HSF2BP: variants seen among roughly 807,000 people sequenced by gnomAD.
The protein encoded by HSF2BP is heat shock transcription factor 2 binding protein.
Under a neutral mutation model 35.0 loss-of-function variants are expected in HSF2BP, and 35 were observed. The ratio of observed to expected loss-of-function variants is 1.00; its 90% CI spans 0.76 to 1.32. HSF2BP has a LOEUF of 1.32. Among genes scored for constraint, HSF2BP ranks in the 40% most tolerant of loss-of-function variants. HSF2BP has a pLI of 0.00. For missense variants in HSF2BP, 326 were observed against 321.7 expected (o/e 1.01, Z -0.10); for synonymous variants, 114 against 117.4 (o/e 0.97, Z 0.18).
chr21:43,608,029 C>T (rs938233882), intron 7 of HSF2BP, among the ~76,000 whole-genome samples: 1 of 152,010 alleles, frequency 6.6e-6, no homozygotes, highest in Non-Finnish European at 1.5e-5. Flanking sequence ...TTCTGGATAT[C>T]GGCCTAGGCA....
At chr21:43,657,252 C>G (rs2082883578) in intron 2 of HSF2BP, among the ~76,000 whole-genome samples, 1 of 152,180 alleles carries the variant, frequency 6.6e-6, no homozygotes, top group South Asian at 2.1e-4. Flanking sequence ...CGCCTGTACG[C>G]AGCAGGCTGA....
rs1183217576 is a variant in HSF2BP at position 43,658,090 on chromosome 21, C to T, written c.7G>A (p.Glu3Lys). The change falls in exon 2 of 9, where the codon GAA (glutamate) becomes AAA (lysine). Residue 3 changes from glutamate (E) to lysine (K), a missense_variant. Coordinates refer to ENST00000291560, the MANE Select transcript of HSF2BP (RefSeq NM_007031.2). The part of the protein sequence containing the change: MG[E>K]AGAAEEACRH... Reference sequence around the variant, plus strand: ...CAGGCCTCCTCAGCGGCGCCCGCTTCGCCCATGGCCGCTGCCGCCTCCGCT... The same window carrying T: ...CAGGCCTCCTCAGCGGCGCCCGCTTTGCCCATGGCCGCTGCCGCCTCCGCT... The T allele has an allele frequency of 1.6e-5, 25 of 1,534,450 alleles. No homozygotes were observed. The highest frequency in any genetic ancestry group is 2.1e-5 in the Non-Finnish European group (24 of 1,145,500).
intron 6 of HSF2BP, among the ~76,000 whole-genome samples, chr21:43,618,707 C>T (rs1032852095): frequency 1.3e-5 from 2 of 150,746 alleles, no homozygotes; most frequent in African/African-American, 2.4e-5. Context: ...GAGGCTGAGG[C>T]GGGCAGATCA....
intron 2 of HSF2BP, chr21:43,657,773 G>A (rs886740304): frequency 5.5e-6 from 5 of 909,096 alleles, no homozygotes; most frequent in Non-Finnish European, 6.6e-6. Flanking sequence ...GCAGAGAAGA[G>A]AGTGACCATC....
Position 43,589,810 on chromosome 21 carries a change from C to CA in HSF2BP, c.796+2414dup, listed in dbSNP as rs921467863. 4.0e-5 allele frequency among the ~76,000 whole-genome samples: 6 copies of CA among 151,622 alleles called. No individual in the cohort carries two copies. In the South Asian group the frequency reaches 1.0e-3, roughly 26 times the overall value. ...GATCAACTAGATAGAAAGTCTTATG[C>CA]AAAAAAACAAAGCAAACGATAAAAA... On this transcript the variant is annotated intron_variant, in intron 8 of 8. Coordinates refer to ENST00000291560, the MANE Select transcript of HSF2BP (RefSeq NM_007031.2).
chr21:43,657,834 C>G (rs1463762046), intron 2 of HSF2BP: 1 of 985,326 alleles, frequency 1.0e-6, no homozygotes, highest in Non-Finnish European at 1.2e-6. Flanking sequence ...CCCCACCACG[C>G]GCAGCCTCAC....
At chr21:43,639,722 T>G (rs1018398933) in intron 4 of HSF2BP, among the ~76,000 whole-genome samples, 1 of 152,192 alleles carries the variant, frequency 6.6e-6, no homozygotes, top group African/African-American at 2.4e-5. Flanking sequence ...GAAAACAATT[T>G]GGCAATTTCT....
Position 43,658,433 on chromosome 21 carries a change from G to A in HSF2BP, c.-224-113C>T, listed in dbSNP as rs116584893. 958 of 310,724 alleles carry A rather than the reference G, an allele frequency of 3.1e-3. 4 individuals are homozygous for A. Among genetic ancestry groups the A allele is most frequent in the African/African-American group, 0.019 (880 of 46,046 alleles). The allele number at this position is 310,724 out of a possible 1,614,324, so 19.2% of individuals were successfully genotyped here. On this transcript the variant is annotated intron_variant, in intron 1 of 8. Coordinates refer to ENST00000291560, the MANE Select transcript of HSF2BP (RefSeq NM_007031.2). ...ACACTAAGGGGGACTGCGTTCAAAT[G>A]GGCAGTCTTTGCTGGAAACCTCGCC... is the stretch of plus-strand genomic sequence containing the variant.
At chr21:43,635,831 A>C (rs2082544316) in intron 4 of HSF2BP, among the ~76,000 whole-genome samples, 2 of 150,154 alleles carry the variant, frequency 1.3e-5, no homozygotes, top group South Asian at 4.3e-4. Context: ...CGGGAGGCTG[A>C]GGCAGGAGAA....
At chr21:43,467,936 C>T in the HSF2BP span, among the ~76,000 whole-genome samples, 36 of 91,468 alleles carry the variant, frequency 3.9e-4, 1 homozygote, top group African/African-American at 1.4e-3. Context: ...ACACACCACA[C>T]ACACACACCA....
chr21:43,641,844 A>G (rs1186758839), intron 4 of HSF2BP, among the ~76,000 whole-genome samples: 1 of 146,330 alleles, frequency 6.8e-6, no homozygotes, highest in African/African-American at 2.5e-5. Flanking sequence ...GGTATCCAGG[A>G]GGTGGAGGTT....
chr21:43,615,633 G>A (rs1189583230), intron 6 of HSF2BP, among the ~76,000 whole-genome samples: 1 of 152,128 alleles, frequency 6.6e-6, no homozygotes, highest in Admixed American at 6.6e-5. Context: ...ACGCTTTGAT[G>A]ACAGCCATAA....
Position 43,657,962 on chromosome 21 carries a change from C to T in HSF2BP, c.36+99G>A, listed in dbSNP as rs1181762724. ...AGTCTCCAGGCTTCCCCCAAGCACG[C>T]GACAGCGAGCCGTCTCCGAGCGCAC... On this transcript the variant is annotated intron_variant, in intron 2 of 8. Transcript: ENST00000291560. 12 of 1,521,646 alleles carry T rather than the reference C, an allele frequency of 7.9e-6. 1 individual carries two copies. Among genetic ancestry groups the T allele is most frequent in the South Asian group, 1.2e-5 (1 of 82,672 alleles). 94.3% of individuals were successfully genotyped at this position (1,521,646 alleles called of 1,614,324 possible).
intron 8 of HSF2BP, among the ~76,000 whole-genome samples, chr21:43,577,552 C>T (rs935216941): frequency 5.3e-5 from 8 of 152,196 alleles, no homozygotes; most frequent in African/African-American, 1.9e-4. Context: ...GGCTGGCATT[C>T]GGGGCCACAG....
At chr21:43,604,680 CCACA>C (rs879346919) in intron 7 of HSF2BP, among the ~76,000 whole-genome samples, 1 of 131,616 alleles carries the variant, frequency 7.6e-6, no homozygotes, top group Non-Finnish European at 1.6e-5. Flanking sequence ...CCACCACACA[CCACA>C]CACACACTAC....
intron 8 of HSF2BP, among the ~76,000 whole-genome samples, chr21:43,584,703 C>A (rs140839061): frequency 1.3e-5 from 2 of 152,192 alleles, no homozygotes; most frequent in Non-Finnish European, 2.9e-5. Context: ...ATTTTCCCCC[C>A]ACTACACTCA....
intron 3 of HSF2BP, among the ~76,000 whole-genome samples, chr21:43,647,790 G>T (rs571912374): frequency 2.6e-5 from 4 of 151,846 alleles, no homozygotes; most frequent in Non-Finnish European, 5.9e-5. Context: ...TTAGCCCAGC[G>T]TGGTGGTACA....
At chr21:43,646,731 G>C (rs190654708) in intron 3 of HSF2BP, among the ~76,000 whole-genome samples, 1 of 152,150 alleles carries the variant, frequency 6.6e-6, no homozygotes, top group Non-Finnish European at 1.5e-5. Flanking sequence ...CCCACTCTAC[G>C]ATAGGCAATC....
At chr21:43,648,464 A>G (rs1276210883) in intron 3 of HSF2BP, among the ~76,000 whole-genome samples, 2 of 152,104 alleles carry the variant, frequency 1.3e-5, no homozygotes, top group Non-Finnish European at 2.9e-5. Flanking sequence ...AGCCCAGGGG[A>G]GGCAATGGCG....
Sources: allele counts gnomAD v4.1 joint callset (sites outside exome capture counted in the v4.1 genomes callset), GRCh38; gene constraint gnomAD v4.1.1; transcripts MANE v1.5; gene names NCBI Gene and HGNC (gene_info 2026-07-23, HGNC 2026-07-21).